Variants in LARGE1 observed in about 807,000 individuals in gnomAD.
The protein encoded by LARGE1 is xylosyl- and glucuronyltransferase LARGE1.
Under a neutral mutation model 87.6 loss-of-function variants are expected in LARGE1, and 43 were observed. The ratio of observed to expected loss-of-function variants is 0.49; its 90% CI spans 0.38 to 0.63. The LOEUF (loss-of-function observed/expected upper bound fraction) is 0.63. LARGE1 is among the 30% of genes least tolerant of loss of function. The pLI, the probability that LARGE1 is intolerant of heterozygous loss-of-function variation, is 0.00. For missense variants in LARGE1, 802 were observed against 1,000.2 expected (o/e 0.80, Z 2.67); for synonymous variants, 434 against 394.6 (o/e 1.10, Z -1.18).
chr22:33,463,505 T>C (rs1042681303), intron 6 of LARGE1, among the ~76,000 whole-genome samples: 1 of 152,188 alleles, frequency 6.6e-6, no homozygotes, highest in Non-Finnish European at 1.5e-5. Context: ...GAAGATTCAT[T>C]ATCACACATA....
chr22:33,536,108 T>C (rs2077036009), intron 6 of LARGE1, among the ~76,000 whole-genome samples: 1 of 152,230 alleles, frequency 6.6e-6, no homozygotes, highest in Admixed American at 6.5e-5. Context: ...TACGGCACTC[T>C]GAACAAGGGA....
At chr22:33,106,001 G>T in the LARGE1 span, 1 of 152,242 alleles carries the variant, frequency 6.6e-6, no homozygotes, top group Admixed American at 6.5e-5. Context: ...TTTCTCAGTT[G>T]CAAGATTAAA....
intron 7 of LARGE1, among the ~76,000 whole-genome samples, chr22:33,391,648 C>CCCCTCTT (rs2065525113): frequency 6.6e-6 from 1 of 151,980 alleles, no homozygotes; most frequent in Admixed American, 6.6e-5. Flanking sequence ...GACCCATGTC[C>CCCCTCTT]CCCTCTTCTC....
intron 1 of LARGE1, among the ~76,000 whole-genome samples, chr22:33,798,092 G>A (rs1229920739): frequency 6.6e-6 from 1 of 152,090 alleles, no homozygotes; most frequent in Non-Finnish European, 1.5e-5. Context: ...GGCCAACATG[G>A]CGAAAACCCG....
intron 11 of LARGE1, among the ~76,000 whole-genome samples, chr22:33,177,332 G>C (rs947841252): frequency 1.3e-5 from 2 of 151,968 alleles, no homozygotes; most frequent in Non-Finnish European, 2.9e-5. Context: ...TATGAAGAAA[G>C]ATTATAGTGC....
chr22:33,763,129 C>A (rs1053196613), intron 1 of LARGE1, among the ~76,000 whole-genome samples: 2 of 152,206 alleles, frequency 1.3e-5, no homozygotes, highest in Non-Finnish European at 2.9e-5. Flanking sequence ...ATCCACCTTG[C>A]ATTCTTTAAA....
At chr22:33,204,086 T>C (rs1924565497) in intron 11 of LARGE1, among the ~76,000 whole-genome samples, 3 of 152,032 alleles carry the variant, frequency 2.0e-5, no homozygotes, top group African/African-American at 4.8e-5. Context: ...ATGAACAAAA[T>C]AAATGGTATG....
chr22:33,140,327 A>G, the LARGE1 span, among the ~76,000 whole-genome samples: 2 of 142,874 alleles, frequency 1.4e-5, no homozygotes, highest in Non-Finnish European at 3.2e-5. Context: ...CAGTGGGTGC[A>G]GTGGGGAGAA....
chr22:33,329,628 C>T (rs911702911), intron 10 of LARGE1, among the ~76,000 whole-genome samples: 2 of 152,102 alleles, frequency 1.3e-5, no homozygotes, highest in Admixed American at 6.5e-5. Context: ...ACCCCCTCCA[C>T]CTCCTCCAGC....
At chr22:33,727,609 A>C (rs1326509781) in intron 2 of LARGE1, 1 of 152,194 alleles carries the variant, frequency 6.6e-6, no homozygotes, top group Non-Finnish European at 1.5e-5. Flanking sequence ...ACAAATTCAC[A>C]TTTGCTTGAG....
At chr22:33,365,773 C>T (rs1347147782) in intron 9 of LARGE1, among the ~76,000 whole-genome samples, 6 of 152,086 alleles carry the variant, frequency 3.9e-5, no homozygotes, top group Non-Finnish European at 7.4e-5. Context: ...TGCGCCACCA[C>T]GTCTGGCTAA....
At chr22:33,593,616 CAT>C (rs1376645184) in intron 5 of LARGE1, among the ~76,000 whole-genome samples, 1 of 152,168 alleles carries the variant, frequency 6.6e-6, no homozygotes, top group Non-Finnish European at 1.5e-5. Flanking sequence ...CATCAACAAC[CAT>C]ATGTGTTACT....
At chr22:33,302,426 A>T (rs1261018830) in intron 12 of LARGE1, among the ~76,000 whole-genome samples, 1 of 152,102 alleles carries the variant, frequency 6.6e-6, no homozygotes, top group East Asian at 1.9e-4. Flanking sequence ...CTCCCGCCCC[A>T]GGGGAGGGAT....
At chr22:33,837,530 T>A (rs1022222511) in intron 1 of LARGE1, among the ~76,000 whole-genome samples, 1 of 152,054 alleles carries the variant, frequency 6.6e-6, no homozygotes, top group Non-Finnish European at 1.5e-5. Context: ...AACGTAACCA[T>A]TGAAAACAGA....
At chr22:33,708,388 C>T (rs57861154) in intron 2 of LARGE1, among the ~76,000 whole-genome samples, 9,816 of 152,172 alleles carry the variant, frequency 0.065, 348 homozygotes, top group Middle Eastern at 0.11. Context: ...CATACCCAGC[C>T]CAGCCAGAAG....
At chr22:33,423,988 T>C (rs1487779072) in intron 7 of LARGE1, among the ~76,000 whole-genome samples, 1 of 152,222 alleles carries the variant, frequency 6.6e-6, no homozygotes, top group Admixed American at 6.5e-5. Flanking sequence ...AAGTCATTCA[T>C]GGAGCTTCTC....
intron 3 of LARGE1, among the ~76,000 whole-genome samples, chr22:33,634,788 T>C (rs2073409422): frequency 6.6e-6 from 1 of 152,108 alleles, no homozygotes; most frequent in African/African-American, 2.4e-5. Flanking sequence ...AGGCAATTCC[T>C]GAGAATGACC....
At chr22:33,283,836 G>T (rs929897844) in intron 12 of LARGE1, among the ~76,000 whole-genome samples, 1 of 114,498 alleles carries the variant, frequency 8.7e-6, no homozygotes, top group African/African-American at 3.9e-5. Context: ...AGAAAGGAAA[G>T]AAAAGAAAAG....
chr22:33,834,865 G>GA (rs1421404460), intron 1 of LARGE1, among the ~76,000 whole-genome samples: 2 of 152,152 alleles, frequency 1.3e-5, no homozygotes, highest in African/African-American at 2.4e-5. Context: ...TTAAGTTTAT[G>GA]AAAAAAATCA....
Sources: gnomAD v4.1 joint callset for allele counts (sites outside exome capture counted in the v4.1 genomes callset) on GRCh38, gnomAD v4.1.1 for gene constraint, MANE v1.5 for transcripts, NCBI Gene and HGNC (gene_info 2026-07-23, HGNC 2026-07-21) for gene names.